FAM107B: variants seen among roughly 807,000 people sequenced by gnomAD.
The protein encoded by FAM107B is family with sequence similarity 107 member B.
A neutral mutation model predicts 31.5 loss-of-function variants in FAM107B; 21 were observed. That is an observed-to-expected ratio of 0.67 (90% CI 0.47 to 0.96). The LOEUF is 0.96. Among genes scored for constraint, FAM107B ranks in the 40% least tolerant of loss-of-function variants. FAM107B has a pLI of 0.00. For missense variants in FAM107B, 452 were observed against 377.1 expected (o/e 1.20, Z -1.64); for synonymous variants, 157 against 141.5 (o/e 1.11, Z -0.78).
chr10:14,526,373 G>C (rs7079681), intron 3 of FAM107B, among the ~76,000 whole-genome samples: 18,139 of 152,106 alleles, frequency 0.12, 1,183 homozygotes, highest in Non-Finnish European at 0.15. Context: ...ATGGGGTTGC[G>C]CCATGTTGGC....
chr10:14,730,102 C>A (rs945250515), intron 1 of FAM107B, among the ~76,000 whole-genome samples: 2 of 152,068 alleles, frequency 1.3e-5, no homozygotes, highest in East Asian at 1.9e-4. Context: ...GGGCTTGAAA[C>A]CTAGATGATG....
chr10:14,673,381 TGTG>T (rs1854606285), intron 1 of FAM107B, among the ~76,000 whole-genome samples: 1 of 152,224 alleles, frequency 6.6e-6, no homozygotes, highest in African/African-American at 2.4e-5. Flanking sequence ...AGTCAGAACA[TGTG>T]GTATCTGTCT....
chr10:14,544,440 C>T (rs779639287), intron 2 of FAM107B, among the ~76,000 whole-genome samples: 8 of 152,164 alleles, frequency 5.3e-5, no homozygotes, highest in South Asian at 2.1e-4. Context: ...TATAAATCCA[C>T]GGATATTCTT....
intron 1 of FAM107B, among the ~76,000 whole-genome samples, chr10:14,687,634 G>A (rs568584890): frequency 3.9e-5 from 6 of 151,932 alleles, no homozygotes; most frequent in South Asian, 2.1e-4. Flanking sequence ...CCAGTGTTGC[G>A]GGGGGTGGGG....
intron 3 of FAM107B, among the ~76,000 whole-genome samples, chr10:14,525,630 T>G (rs1259980942): frequency 6.6e-6 from 1 of 152,182 alleles, no homozygotes; most frequent in Non-Finnish European, 1.5e-5. Context: ...CCTCCATACT[T>G]TCTATACCCA....
chr10:14,543,934 G>C (rs531570966), intron 2 of FAM107B, among the ~76,000 whole-genome samples: 1 of 152,242 alleles, frequency 6.6e-6, no homozygotes, highest in African/African-American at 2.4e-5. Flanking sequence ...GACCTGTGGA[G>C]GGCCCCACCT....
chr10:14,625,614 C>T (rs868008830), intron 2 of FAM107B, among the ~76,000 whole-genome samples: 1 of 152,030 alleles, frequency 6.6e-6, no homozygotes, highest in Non-Finnish European at 1.5e-5. Flanking sequence ...GCAAGAGAAA[C>T]AGGCAGAAGA....
chr10:14,619,265 C>T (rs528828691), intron 2 of FAM107B, among the ~76,000 whole-genome samples: 13 of 152,302 alleles, frequency 8.5e-5, no homozygotes, highest in African/African-American at 2.9e-4. Flanking sequence ...GTACATTTCA[C>T]TTAATGGGCA....
chr10:14,723,251 G>C (rs1172900218), intron 1 of FAM107B: 1 of 532,988 alleles, frequency 1.9e-6, no homozygotes, highest in Non-Finnish European at 3.7e-6. Flanking sequence ...GTGGGGCCGA[G>C]CACTCCAGTC....
chr10:14,600,146 G>C (rs1588648472), intron 2 of FAM107B, among the ~76,000 whole-genome samples: 1 of 152,214 alleles, frequency 6.6e-6, no homozygotes, highest in East Asian at 1.9e-4. Flanking sequence ...CAAAACCTCT[G>C]GTGGGCACAG....
chr10:14,590,989 C>CAAA (rs35000609), intron 2 of FAM107B, among the ~76,000 whole-genome samples: 18 of 66,982 alleles, frequency 2.7e-4, no homozygotes, highest in Non-Finnish European at 3.4e-4. Flanking sequence ...AACTCCATCT[C>CAAA]AAAAAAAAAA....
At chr10:14,627,363 AACAG>A (rs1392515848) in intron 2 of FAM107B, among the ~76,000 whole-genome samples, 13 of 152,376 alleles carry the variant, frequency 8.5e-5, no homozygotes, top group African/African-American at 3.1e-4. Context: ...CATATGGATA[AACAG>A]ACAGGAGGAG....
intron 1 of FAM107B, among the ~76,000 whole-genome samples, chr10:14,762,461 G>C (rs1833069239): frequency 6.6e-6 from 1 of 152,148 alleles, no homozygotes; most frequent in South Asian, 2.1e-4. Flanking sequence ...GAGAACAACA[G>C]TATTCAAGAG....
intron 1 of FAM107B, among the ~76,000 whole-genome samples, chr10:14,670,303 A>G (rs1189205693): frequency 6.6e-6 from 1 of 152,222 alleles, no homozygotes; most frequent in African/African-American, 2.4e-5. Context: ...ATAAGGCCTC[A>G]GTTCAATTAT....
At chr10:14,526,466 G>A (rs578024509) in intron 3 of FAM107B, among the ~76,000 whole-genome samples, 19 of 152,164 alleles carry the variant, frequency 1.2e-4, no homozygotes, top group Middle Eastern at 3.4e-3. Context: ...GTGAGCCGCC[G>A]CGCTGGGCCT....
At chr10:14,597,348 G>A (rs1852221274) in intron 2 of FAM107B, among the ~76,000 whole-genome samples, 1 of 150,636 alleles carries the variant, frequency 6.6e-6, no homozygotes, top group Admixed American at 6.6e-5. Flanking sequence ...GATAAAGCGT[G>A]AGTTTTAACT....
At chr10:14,594,882 G>A (rs138002777) in intron 2 of FAM107B, among the ~76,000 whole-genome samples, 1 of 152,200 alleles carries the variant, frequency 6.6e-6, no homozygotes, top group East Asian at 1.9e-4. Context: ...CATCTCAGTG[G>A]ACCTTTTTCT....
chr10:14,540,088 C>T (rs761465179), intron 2 of FAM107B, among the ~76,000 whole-genome samples: 1 of 152,218 alleles, frequency 6.6e-6, no homozygotes, highest in Non-Finnish European at 1.5e-5. Context: ...TAGTCAGTCC[C>T]ATCTGAAGCC....
rs869061612 is a variant in FAM107B at position 14,568,396 on chromosome 10, A to AG, written c.470-37882dup. 1.9e-3 allele frequency among the ~76,000 whole-genome samples: 287 copies of AG among 148,478 alleles called. 12 individuals carry two copies. The highest frequency in any genetic ancestry group is 2.3e-3 in the African/African-American group (94 of 40,998). On this transcript the variant is annotated intron_variant, in intron 2 of 4. Coordinates refer to ENST00000181796, the MANE Select transcript of FAM107B (RefSeq NM_031453.4). ...GACCAGGAGGTGAAGATACTGGAGGAGAAGGCTGGCTGATGATCCCAGGGT... is the reference window on the plus strand; with the variant it reads ...GACCAGGAGGTGAAGATACTGGAGGAGGAAGGCTGGCTGATGATCCCAGGGT...
Sources: gnomAD v4.1 joint callset for allele counts (sites outside exome capture counted in the v4.1 genomes callset) on GRCh38, gnomAD v4.1.1 for gene constraint, MANE v1.5 for transcripts, NCBI Gene and HGNC (gene_info 2026-07-23, HGNC 2026-07-21) for gene names.